The following SLC34A2 variants were observed in gnomAD, a reference collection of about 807,000 sequenced individuals.
SLC34A2 encodes the protein solute carrier family 34 member 2, also known as sodium-dependent phosphate transport protein 2B.
A neutral mutation model predicts 50.8 loss-of-function variants in SLC34A2; 41 were observed. That is an observed-to-expected ratio of 0.81 (90% CI 0.63 to 1.05). The LOEUF (loss-of-function observed/expected upper bound fraction) is 1.05. Among genes scored for constraint, SLC34A2 ranks in the 50% least tolerant of loss-of-function variants. The probability of loss-of-function intolerance (pLI) is 0.00; values close to 1 mark genes in which losing one functional copy is unlikely to be tolerated. For synonymous variants in SLC34A2, 401 were observed against 364.2 expected (o/e 1.10, Z -1.15); for missense variants, 879 against 876.7 (o/e 1.00, Z -0.03).
Position 25,669,664 on chromosome 4 carries a change from C to T in SLC34A2, c.653C>T (p.Thr218Ile). ...TCCCATAGAGCTTTTGCAGGAGCCA[C>T]TGTCCATGACTTCTTCAACTGGCTG... ...SEFRRAFAGA[T>I]VHDFFNWLSV... Residue 218 changes from threonine to isoleucine, a missense_variant, in exon 7 of 13, where the codon ACT becomes ATT. Transcript: ENST00000382051. The T allele has an allele frequency of 6.2e-7, 1 of 1,614,092 alleles. No individual in the cohort carries two copies. Among genetic ancestry groups the T allele is most frequent in the African/African-American group, 1.3e-5 (1 of 75,046 alleles).
At chr4:25,671,578 C>T in intron 8 of SLC34A2, 23 bp from the exon 9 acceptor site, 3 of 1,614,086 alleles carry the variant, frequency 1.9e-6, no homozygotes, top group South Asian at 1.1e-5. Flanking sequence ...GTGTTGTGGG[C>T]ATTTGTCATG....
At position 25,669,791 on chromosome 4, in the gene SLC34A2, C is replaced by T. The variant is rs1560239103; in HGVS notation, c.780C>T (p.Ala260=). The T allele has an allele frequency of 1.2e-6, 2 of 1,614,042 alleles. No homozygotes were observed. The highest frequency in any genetic ancestry group is 8.5e-7 in the Non-Finnish European group (1 of 1,179,954). The change falls in exon 7 of 13, where the codon GCC becomes GCT. Residue 260 remains alanine (A), a synonymous_variant. Coordinates refer to ENST00000382051, the MANE Select transcript of SLC34A2 (RefSeq NM_006424.3). ...ESFHFKNGED[A]PDLLKVITKP... ...TCCACTTCAAGAATGGAGAAGATGC[C>T]CCAGATCTTCTGAAAGTCATCACTA...
At position 25,677,339 on chromosome 4, in the gene SLC34A2, G is replaced by T. The variant is rs1715197244; in HGVS notation, c.*590G>T. 1 of 155,842 alleles carries T rather than the reference G, an allele frequency of 6.4e-6. No individual in the cohort carries two copies. Among genetic ancestry groups the T allele is most frequent in the African/African-American group, 2.4e-5 (1 of 41,584 alleles). 9.7% of individuals were successfully genotyped at this position (155,842 alleles called of 1,614,324 possible). On this transcript the variant is annotated 3_prime_UTR_variant, in exon 13 of 13. Transcript: ENST00000382051. ...AGTGCTCCCCACATTCCCCATCAGG[G>T]CTTCCTCACGTGGACAGGTGTGCTA...
rs753711680 is a variant in SLC34A2 at position 25,676,368 on chromosome 4, C to T, written c.1692C>T (p.Phe564=). ...VLVGVGVPVV[F]IIILVLCLRL... ...TTGGTGTCGGGGTTCCCGTCGTCTTCATCATCATCCTGGTACTGTGCCTCC... is the reference window on the plus strand; with the variant it reads ...TTGGTGTCGGGGTTCCCGTCGTCTTTATCATCATCCTGGTACTGTGCCTCC... The change falls in exon 13 of 13, where the codon TTC becomes TTT. Residue 564 remains phenylalanine, a synonymous_variant. Coordinates refer to ENST00000382051, the MANE Select transcript of SLC34A2 (RefSeq NM_006424.3). The T allele has an allele frequency of 2.4e-5, 39 of 1,614,108 alleles. No individual in the cohort carries two copies. Among genetic ancestry groups the T allele is most frequent in the Middle Eastern group, 3.3e-4 (2 of 6,084 alleles).
Position 25,678,687 on chromosome 4 carries a change from ATTTTTT to A in SLC34A2, c.*1952_*1957del, listed in dbSNP as rs67542457. ...TGAGCCACCACCAGGCCTGATTGTA[ATTTTTT>A]TTTTTTTTTTTTTACTGGTTATGGG... On this transcript the variant is annotated 3_prime_UTR_variant, in exon 13 of 13. Coordinates refer to ENST00000382051, the MANE Select transcript of SLC34A2 (RefSeq NM_006424.3). 1.9e-5 allele frequency: 6 copies of A among 323,670 alleles called. No homozygotes were observed. Among genetic ancestry groups the A allele is most frequent in the East Asian group, 5.1e-5 (1 of 19,446 alleles). 20.0% of individuals were successfully genotyped at this position (323,670 alleles called of 1,614,324 possible). A position where few individuals can be genotyped will look rare whatever the true frequency, so the allele number is the denominator to read the frequency against.
chr4:25,675,269 G>A (rs775984340), intron 12 of SLC34A2, among the ~76,000 whole-genome samples: 1 of 152,224 alleles, frequency 6.6e-6, no homozygotes, highest in African/African-American at 2.4e-5. Context: ...TGGACCTCAT[G>A]ATGTGCTTGC....
rs372725249 is a variant in SLC34A2 at position 25,673,289 on chromosome 4, G to GAGGGA, written c.1216+35_1216+36insAGGGA. On this transcript the variant is annotated intron_variant, in intron 10 of 12. Transcript: ENST00000382051. ...CTGCCCTCACTTGTAGGCCTCACAT[G>GAGGGA]TAGTCACTGCATGGGGTGTGGGGGT... is the stretch of plus-strand genomic sequence containing the variant. 0.91 allele frequency: 1,472,490 copies of GAGGGA among 1,609,672 alleles called. 674,159 individuals carry two copies. Among genetic ancestry groups the GAGGGA allele is most frequent in the East Asian group, 1 (44,840 of 44,862 alleles).
intron 12 of SLC34A2, among the ~76,000 whole-genome samples, chr4:25,675,360 C>A (rs12505556): frequency 0.16 from 23,930 of 152,228 alleles, 2,520 homozygotes; most frequent in East Asian, 0.57. Context: ...TCACCATTTA[C>A]ATACTAAGTG....
At chr4:25,668,677 T>A (rs774994945) in intron 6 of SLC34A2, among the ~76,000 whole-genome samples, 1 of 151,846 alleles carries the variant, frequency 6.6e-6, no homozygotes, top group Non-Finnish European at 1.5e-5. Flanking sequence ...ACTGTTTTGT[T>A]TGGTCATAAT....
At position 25,666,455 on chromosome 4, in the gene SLC34A2, G is replaced by A. The variant is rs150031797; in HGVS notation, c.523+184G>A. Among the ~76,000 whole-genome samples, 184 of 152,268 alleles carry A rather than the reference G, an allele frequency of 1.2e-3. 1 individual carries two copies. Among genetic ancestry groups the A allele is most frequent in the Non-Finnish European group, 2.0e-3 (139 of 68,034 alleles). ...CAAGGCAACTTCCTGTTTCCATTTCGATGGCAGGATCTGGAAATAGACCCT... is the reference window on the plus strand; with the variant it reads ...CAAGGCAACTTCCTGTTTCCATTTCAATGGCAGGATCTGGAAATAGACCCT... On this transcript the variant is annotated intron_variant, in intron 5 of 12. Transcript: ENST00000382051.
chr4:25,655,979 C>T (rs1473415074), intron 1 of SLC34A2, 89 bp downstream of exon 1: 1 of 152,274 alleles, frequency 6.6e-6, no homozygotes, highest in Admixed American at 6.5e-5. Context: ...TCGGTGCTGA[C>T]TTCAAGGAAC....
chr4:25,676,931 T>C lies in SLC34A2; in HGVS notation c.*182T>C. 1 of 720,094 alleles carries C rather than the reference T, an allele frequency of 1.4e-6. No individual in the cohort carries two copies. Among genetic ancestry groups the C allele is most frequent in the Admixed American group, 2.5e-5 (1 of 39,790 alleles). 44.6% of individuals were successfully genotyped at this position (720,094 alleles called of 1,614,324 possible). A position where few individuals can be genotyped will look rare whatever the true frequency, so the allele number is the denominator to read the frequency against. On this transcript the variant is annotated 3_prime_UTR_variant, in exon 13 of 13. Coordinates refer to ENST00000382051, the MANE Select transcript of SLC34A2 (RefSeq NM_006424.3). ...TGGTGGTAGGCCTGCAGGGCACTTTTATTCCAACCCCTGGTCACTCAGTAA... is the reference window on the plus strand; with the variant it reads ...TGGTGGTAGGCCTGCAGGGCACTTTCATTCCAACCCCTGGTCACTCAGTAA...
intron 6 of SLC34A2, among the ~76,000 whole-genome samples, chr4:25,668,893 T>G (rs545624944): frequency 6.6e-6 from 1 of 151,382 alleles, no homozygotes; most frequent in Admixed American, 6.6e-5. Flanking sequence ...CTAGCTAGTT[T>G]TTTTTTTTTT....
intron 1 of SLC34A2, among the ~76,000 whole-genome samples, chr4:25,660,810 G>A (rs1198957409): frequency 1.3e-5 from 2 of 152,224 alleles, no homozygotes; most frequent in African/African-American, 4.8e-5. Context: ...TTCCCAAAGT[G>A]TTGGGTTTAC....
At chr4:25,671,308 C>T (rs1174378348) in intron 8 of SLC34A2, among the ~76,000 whole-genome samples, 3 of 152,066 alleles carry the variant, frequency 2.0e-5, no homozygotes, top group Non-Finnish European at 4.4e-5. Context: ...TGTGGCTTGC[C>T]CTTGCTTCTG....
At position 25,662,536 on chromosome 4, in the gene SLC34A2, C is replaced by G; in HGVS notation, c.36C>G (p.Pro12=). Residue 12 remains proline, a synonymous_variant, in exon 2 of 13, where the codon CCC becomes CCG. Coordinates refer to ENST00000382051, the MANE Select transcript of SLC34A2 (RefSeq NM_006424.3). ...APWPELGDAQ[P]NPDKYLEGAA... Reference sequence around the variant, plus strand: ...GGCCTGAATTGGGAGATGCCCAGCCCAACCCCGATAAGTACCTCGAAGGGG... The same window carrying G: ...GGCCTGAATTGGGAGATGCCCAGCCGAACCCCGATAAGTACCTCGAAGGGG... 1.2e-6 allele frequency: 2 copies of G among 1,614,092 alleles called. No homozygotes were observed. The highest frequency in any genetic ancestry group is 4.5e-5 in the East Asian group (2 of 44,864).
intron 9 of SLC34A2, 36 bp from the exon 10 acceptor site, chr4:25,673,051 C>T (rs761444641): frequency 6.2e-7 from 1 of 1,610,248 alleles, no homozygotes; most frequent in Non-Finnish European, 8.5e-7. Context: ...GTGGTGGCTC[C>T]ATGCCCTCCT....
At chr4:25,673,999 C>T (rs1453506915) in intron 10 of SLC34A2, among the ~76,000 whole-genome samples, 2 of 151,202 alleles carry the variant, frequency 1.3e-5, no homozygotes, top group Non-Finnish European at 2.9e-5. Flanking sequence ...GAAGCATGCT[C>T]TCAGCACTTT....
intron 4 of SLC34A2, among the ~76,000 whole-genome samples, chr4:25,665,475 C>T (rs989467737): frequency 6.6e-6 from 1 of 152,032 alleles, no homozygotes; most frequent in African/African-American, 2.4e-5. Context: ...GCCTCCTGAA[C>T]ATTGCTTCTG....
Sources: gnomAD v4.1 joint callset for allele counts (sites outside exome capture counted in the v4.1 genomes callset) on GRCh38, gnomAD v4.1.1 for gene constraint, MANE v1.5 for transcripts, NCBI Gene and HGNC (gene_info 2026-07-23, HGNC 2026-07-21) for gene names.